The following BABAM2 variants were observed in gnomAD, a reference collection of about 807,000 sequenced individuals.
BABAM2 encodes the protein BRISC and BRCA1 A complex member 2.
In BABAM2, 31 loss-of-function variants were observed where a neutral mutation model predicts 54.7. The observed-to-expected ratio is 0.57, with a 90% CI of 0.43 to 0.77. BABAM2 has a LOEUF of 0.77. BABAM2 is among the 30% of genes least tolerant of loss of function. The pLI is 0.00. For synonymous variants in BABAM2, 167 were observed against 162.9 expected (o/e 1.03, Z -0.19); for missense variants, 364 against 455.8 (o/e 0.80, Z 1.83).
At chr2:28,071,658 T>C (rs1401658671) in intron 6 of BABAM2, among the ~76,000 whole-genome samples, 5 of 152,232 alleles carry the variant, frequency 3.3e-5, no homozygotes, top group South Asian at 4.1e-4. Flanking sequence ...AAGGAGATGC[T>C]TCTCTACTAT....
chr2:28,203,727 G>A (rs1347563628), intron 7 of BABAM2, among the ~76,000 whole-genome samples: 5 of 152,070 alleles, frequency 3.3e-5, no homozygotes, highest in Admixed American at 1.3e-4. Context: ...ATGCTTTTAA[G>A]AGCTTTCCTT....
At chr2:28,134,689 C>T (rs532334723) in intron 7 of BABAM2, 1 of 152,352 alleles carries the variant, frequency 6.6e-6, no homozygotes, top group African/African-American at 2.4e-5. Flanking sequence ...CGAACGCTCA[C>T]TATTATTGAG....
At chr2:28,169,592 C>T (rs1674091453) in intron 7 of BABAM2, among the ~76,000 whole-genome samples, 1 of 151,990 alleles carries the variant, frequency 6.6e-6, no homozygotes, top group Non-Finnish European at 1.5e-5. Flanking sequence ...GCCTGGGCAA[C>T]ATAACAAGGC....
At chr2:28,028,402 G>A (rs1472785985) in intron 5 of BABAM2, among the ~76,000 whole-genome samples, 2 of 114,588 alleles carry the variant, frequency 1.7e-5, no homozygotes, top group African/African-American at 6.7e-5. Context: ...TACACCCCCC[G>A]CCCCTCCCCG....
chr2:28,036,666 G>A (rs992431090), intron 5 of BABAM2, among the ~76,000 whole-genome samples: 2 of 152,172 alleles, frequency 1.3e-5, no homozygotes, highest in Non-Finnish European at 2.9e-5. Context: ...AATTCTGTGG[G>A]TATTAGAATC....
At chr2:28,153,619 C>T (rs1672260569) in intron 7 of BABAM2, among the ~76,000 whole-genome samples, 1 of 152,172 alleles carries the variant, frequency 6.6e-6, no homozygotes, top group Admixed American at 6.5e-5. Flanking sequence ...TCCTGGAACC[C>T]CAAAGCAGTG....
Position 27,993,549 on chromosome 2 carries a change from G to A in BABAM2, c.300+5462G>A, listed in dbSNP as rs890073908. Among the ~76,000 whole-genome samples the A allele has an allele frequency of 1.8e-4, 28 of 152,142 alleles. No homozygotes were observed. The South Asian group carries it at 3.5e-3, about 19-fold the overall frequency. On this transcript the variant is annotated intron_variant, in intron 4 of 11. Coordinates refer to ENST00000379624, the MANE Select transcript of BABAM2 (RefSeq NM_199191.3). ...TATTATGAAATTCTTTACCCCCAAG[G>A]TAATAATGATAATTCACTTTAACTT...
intron 10 of BABAM2, among the ~76,000 whole-genome samples, chr2:28,283,362 G>A (rs1686541951): frequency 6.6e-6 from 1 of 152,196 alleles, no homozygotes; most frequent in African/African-American, 2.4e-5. Flanking sequence ...AAGACTCAGA[G>A]ATTTTTAAGT....
At chr2:27,963,489 A>G (rs1026270332) in intron 3 of BABAM2, among the ~76,000 whole-genome samples, 6 of 151,238 alleles carry the variant, frequency 4.0e-5, no homozygotes, top group African/African-American at 9.7e-5. Flanking sequence ...AAAAAAAAAA[A>G]AAAAGAAAAA....
intron 7 of BABAM2, chr2:28,134,640 A>G (rs992873431): frequency 2.0e-5 from 3 of 152,254 alleles, no homozygotes; most frequent in Non-Finnish European, 4.4e-5. Flanking sequence ...GTTAAGTTAC[A>G]TCTGCCTTGG....
At chr2:28,070,955 A>G (rs1290424110) in intron 6 of BABAM2, among the ~76,000 whole-genome samples, 1 of 152,172 alleles carries the variant, frequency 6.6e-6, no homozygotes, top group Non-Finnish European at 1.5e-5. Flanking sequence ...ATCATAGCAC[A>G]CCACCACTTA....
chr2:28,152,502 C>T (rs62139068), intron 7 of BABAM2, among the ~76,000 whole-genome samples: 12,489 of 152,084 alleles, frequency 0.082, 724 homozygotes, highest in Non-Finnish European at 0.13. Flanking sequence ...GAGCTGATAA[C>T]GGGAAGGAGG....
At chr2:28,267,498 A>C (rs1558486780) in intron 10 of BABAM2, among the ~76,000 whole-genome samples, 1 of 152,114 alleles carries the variant, frequency 6.6e-6, no homozygotes. Context: ...TGGTTTTATC[A>C]GGAAAGTCTA....
At chr2:28,288,962 G>GT (rs763643477) in intron 10 of BABAM2, among the ~76,000 whole-genome samples, 3,234 of 132,376 alleles carry the variant, frequency 0.024, 56 homozygotes, top group African/African-American at 0.053. Context: ...GTGGGTTGTT[G>GT]TTTTTTTTTT....
chr2:27,903,061 A>C (rs536058010), intron 2 of BABAM2, among the ~76,000 whole-genome samples: 9 of 152,190 alleles, frequency 5.9e-5, no homozygotes, highest in Non-Finnish European at 1.2e-4. Context: ...TTTTTCTGTA[A>C]TATGGAGTGA....
intron 3 of BABAM2, among the ~76,000 whole-genome samples, chr2:27,942,192 CTG>C: frequency 6.6e-6 from 1 of 152,300 alleles, no homozygotes; most frequent in East Asian, 1.9e-4. Context: ...GCATGGATGA[CTG>C]TCAAACAGAA....
chr2:27,963,084 C>T (rs1670587094), intron 3 of BABAM2, among the ~76,000 whole-genome samples: 1 of 152,040 alleles, frequency 6.6e-6, no homozygotes, highest in South Asian at 2.1e-4. Flanking sequence ...AGTGGAATTA[C>T]TAGAATTACC....
chr2:27,918,428 G>A (rs1422718165), intron 2 of BABAM2, among the ~76,000 whole-genome samples: 2 of 151,982 alleles, frequency 1.3e-5, no homozygotes, highest in African/African-American at 4.8e-5. Flanking sequence ...TCCTTTTTAA[G>A]GCTGGATAAT....
At chr2:28,059,566 G>T (rs977379993) in intron 6 of BABAM2, among the ~76,000 whole-genome samples, 7 of 152,110 alleles carry the variant, frequency 4.6e-5, no homozygotes, top group Non-Finnish European at 7.4e-5. Context: ...GATAGTGTTG[G>T]CATTCTTAGT....
Sources: allele counts gnomAD v4.1 joint callset (sites outside exome capture counted in the v4.1 genomes callset), GRCh38; gene constraint gnomAD v4.1.1; transcripts MANE v1.5; gene names NCBI Gene and HGNC (gene_info 2026-07-23, HGNC 2026-07-21).